Variants in ADAM9 observed in about 807,000 individuals in gnomAD.
ADAM9 encodes the protein ADAM metallopeptidase domain 9.
Under a neutral mutation model 108.1 loss-of-function variants are expected in ADAM9, and 54 were observed. The observed-to-expected ratio is 0.50, with a 90% CI of 0.40 to 0.63. The LOEUF is 0.63. Ranked by LOEUF, ADAM9 falls within the 20% of genes least tolerant of loss-of-function variation. ADAM9 has a pLI of 0.00. For synonymous variants in ADAM9, 316 were observed against 336.0 expected, an observed-to-expected ratio of 0.94 and a Z score of 0.65; for missense variants, 830 against 997.7, an observed-to-expected ratio of 0.83 and a Z score of 2.26.
At chr8:39,062,114 C>T (rs1838318462) in intron 14 of ADAM9, among the ~76,000 whole-genome samples, 1 of 152,150 alleles carries the variant, frequency 6.6e-6, no homozygotes, top group African/African-American at 2.4e-5. Context: ...CTCCAAATAC[C>T]ATCACTTTGG....
intron 11 of ADAM9, among the ~76,000 whole-genome samples, chr8:39,034,265 A>G (rs1190390841): frequency 6.6e-6 from 1 of 151,792 alleles, no homozygotes; most frequent in Admixed American, 6.6e-5. Flanking sequence ...GCAGTCTTTT[A>G]TTTTTTTTAA....
In ADAM9 at chr8:39,105,247, G is replaced by C. The variant is rs529344143; in HGVS notation, c.*1547G>C. The C allele has an allele frequency of 9.5e-5, 40 of 419,748 alleles. 1 individual carries two copies. In the Middle Eastern group the frequency reaches 4.6e-3, roughly 48 times the overall value. 26.0% of individuals were successfully genotyped at this position (419,748 alleles called of 1,614,324 possible). A position where few individuals can be genotyped will look rare whatever the true frequency, so the allele number is the denominator to read the frequency against. ...CAATCAAGTATACATATTAAAAATT[G>C]TGAGCAATCTCAAATGAAGGTCCAT... On this transcript the variant is annotated 3_prime_UTR_variant, in exon 22 of 22. Transcript: ENST00000487273.
At chr8:39,090,630 A>G (rs1243536522) in intron 19 of ADAM9, among the ~76,000 whole-genome samples, 1 of 152,178 alleles carries the variant, frequency 6.6e-6, no homozygotes, top group Non-Finnish European at 1.5e-5. Flanking sequence ...GGGAGGAGAA[A>G]GGCTTATGTT....
Position 39,000,031 on chromosome 8 carries a change from C to CT in ADAM9, c.97+2882dup, listed in dbSNP as rs113167691. Among the ~76,000 whole-genome samples the CT allele has an allele frequency of 8.3e-4, 122 of 147,426 alleles. 1 individual carries two copies. The highest frequency in any genetic ancestry group is 2.1e-3 in the African/African-American group (84 of 40,542). On this transcript the variant is annotated intron_variant, in intron 1 of 21. Transcript: ENST00000487273. ...ATCTCAGTAGCTAATCCCTCACAGT[C>CT]TTTTTTTTTTTGAGATGGAGTCTTG...
chr8:39,023,455 A>T, intron 9 of ADAM9, 130 bp downstream of exon 9: 3 of 931,452 alleles, frequency 3.2e-6, no homozygotes, highest in Non-Finnish European at 4.7e-6. Flanking sequence ...ACTTAGCTTG[A>T]TGTGGCATTA....
intron 14 of ADAM9, among the ~76,000 whole-genome samples, chr8:39,059,733 G>A (rs914854793): frequency 6.6e-6 from 1 of 152,152 alleles, no homozygotes; most frequent in Non-Finnish European, 1.5e-5. Context: ...TGCACTTCAG[G>A]GATGTCCCAG....
rs1200065546 is a variant in ADAM9 at position 39,089,886 on chromosome 8, G to A, written c.2069-161G>A. On this transcript the variant is annotated intron_variant, in intron 18 of 21. Coordinates refer to ENST00000487273, the MANE Select transcript of ADAM9 (RefSeq NM_003816.3). ...TTATTTTTGTGAAGGCAGAAGTAAA[G>A]CGGACAGGAATGAACTTTGTGGAAG... The A allele has an allele frequency of 5.3e-6, 4 of 752,022 alleles. No homozygotes were observed. In the Admixed American group the frequency reaches 8.7e-5, roughly 16 times the overall value. 46.6% of individuals were successfully genotyped at this position (752,022 alleles called of 1,614,324 possible).
chr8:39,010,432 G>A (rs1470270100), intron 2 of ADAM9, among the ~76,000 whole-genome samples: 3 of 152,156 alleles, frequency 2.0e-5, no homozygotes, highest in Admixed American at 6.5e-5. Context: ...TTGGTCTAGC[G>A]CTTAGAAGTC....
At chr8:39,012,516 A>G (rs528998014) in intron 3 of ADAM9, among the ~76,000 whole-genome samples, 9 of 152,352 alleles carry the variant, frequency 5.9e-5, no homozygotes, top group Admixed American at 2.6e-4. Flanking sequence ...TTGCGGCACT[A>G]TTCACAATAG....
At chr8:39,081,261 G>A (rs1839016759) in intron 16 of ADAM9, among the ~76,000 whole-genome samples, 1 of 152,234 alleles carries the variant, frequency 6.6e-6, no homozygotes, top group South Asian at 2.1e-4. Context: ...CACTGTGAGA[G>A]TTTTTGGGTG....
chr8:39,008,221 T>C (rs1485927559), intron 2 of ADAM9, among the ~76,000 whole-genome samples: 4 of 151,080 alleles, frequency 2.6e-5, no homozygotes, highest in African/African-American at 9.7e-5. Context: ...CAGGCTGGAG[T>C]GTGCAGTGGT....
chr8:39,071,236 T>A, intron 14 of ADAM9, 62 bp from the exon 15 acceptor site: 1 of 1,520,440 alleles, frequency 6.6e-7, no homozygotes, highest in Non-Finnish European at 9.1e-7. Context: ...GGGAATACTT[T>A]TATTTCAAAA....
Position 39,047,136 on chromosome 8 carries a change from C to T in ADAM9, c.1302+5019C>T, listed in dbSNP as rs1186230737. ...TATATTGAGCCATCCCAATTTATAC[C>T]CAAGGATAAATTCTACTAGGTCATG... is the stretch of plus-strand genomic sequence containing the variant. On this transcript the variant is annotated intron_variant, in intron 12 of 21. Coordinates refer to ENST00000487273, the MANE Select transcript of ADAM9 (RefSeq NM_003816.3). Among the ~76,000 whole-genome samples, 3 of 151,998 alleles carry T rather than the reference C, an allele frequency of 2.0e-5. No homozygotes were observed. In the East Asian group the frequency reaches 5.8e-4, roughly 29 times the overall value.
At chr8:39,049,921 C>T (rs1837901904) in intron 12 of ADAM9, among the ~76,000 whole-genome samples, 1 of 152,190 alleles carries the variant, frequency 6.6e-6, no homozygotes, top group South Asian at 2.1e-4. Context: ...AGGTGCAGAA[C>T]TCCATTTCAC....
chr8:39,027,795 A>G (rs1445577032), intron 11 of ADAM9, among the ~76,000 whole-genome samples: 1 of 152,168 alleles, frequency 6.6e-6, no homozygotes, highest in African/African-American at 2.4e-5. Context: ...TCTTTAACAA[A>G]TACAGGACGG....
chr8:39,072,700 C>G (rs1249445103), intron 15 of ADAM9, among the ~76,000 whole-genome samples: 2 of 152,234 alleles, frequency 1.3e-5, no homozygotes, highest in African/African-American at 4.8e-5. Context: ...TCTTCGTCCT[C>G]CAGATCTCAG....
At chr8:39,084,139 A>G (rs752678854) in intron 18 of ADAM9, among the ~76,000 whole-genome samples, 3 of 152,080 alleles carry the variant, frequency 2.0e-5, no homozygotes, top group Non-Finnish European at 2.9e-5. Context: ...TTCTTTGGTT[A>G]TGTGTCTGTT....
At chr8:39,022,097 T>TGAGA (rs940452007) in intron 8 of ADAM9, among the ~76,000 whole-genome samples, 34 of 136,266 alleles carry the variant, frequency 2.5e-4, no homozygotes, top group Middle Eastern at 3.6e-3. Context: ...TGTGTGTGTG[T>TGAGA]GAGAGAGAGA....
rs754604081 is a variant in ADAM9 at position 39,104,736 on chromosome 8, T to C, written c.*1036T>C. Reference sequence around the variant, plus strand: ...TTAGGCTGGAGAAAGAAGGAAGAAATGGTTTTCTTAAATACCTACAAAAAA... The same window carrying C: ...TTAGGCTGGAGAAAGAAGGAAGAAACGGTTTTCTTAAATACCTACAAAAAA... On this transcript the variant is annotated 3_prime_UTR_variant, in exon 22 of 22. Transcript: ENST00000487273. 1 of 453,770 alleles carries C rather than the reference T, an allele frequency of 2.2e-6. No homozygotes were observed. Among genetic ancestry groups the C allele is most frequent in the Non-Finnish European group, 4.4e-6 (1 of 226,614 alleles). 28.1% of individuals were successfully genotyped at this position (453,770 alleles called of 1,614,324 possible). A position where few individuals can be genotyped will look rare whatever the true frequency, so the allele number is the denominator to read the frequency against.
Sources: gnomAD v4.1 joint callset for allele counts (sites outside exome capture counted in the v4.1 genomes callset) on GRCh38, gnomAD v4.1.1 for gene constraint, MANE v1.5 for transcripts, NCBI Gene and HGNC (gene_info 2026-07-23, HGNC 2026-07-21) for gene names.